WDR49: variants seen among roughly 807,000 people sequenced by gnomAD.
The protein encoded by WDR49 is WD repeat domain 49.
A neutral mutation model predicts 119.5 loss-of-function variants in WDR49; 107 were observed. The ratio of observed to expected loss-of-function variants is 0.90; its 90% CI spans 0.77 to 1.05. The LOEUF (loss-of-function observed/expected upper bound fraction) is 1.05. WDR49 is among the 50% of genes least tolerant of loss of function. WDR49 has a pLI of 0.00. For missense variants in WDR49, 1,240 were observed against 1,220.5 expected (o/e 1.02, Z -0.24); for synonymous variants, 425 against 418.8 (o/e 1.01, Z -0.18).
chr3:167,562,408 T>C (rs181344449), intron 8 of WDR49, among the ~76,000 whole-genome samples: 2 of 152,268 alleles, frequency 1.3e-5, no homozygotes, highest in Middle Eastern at 3.4e-3. Context: ...AACAAAGAAC[T>C]GATAATGAGC....
chr3:167,612,354 A>G (rs1223253175), intron 5 of WDR49, among the ~76,000 whole-genome samples: 1 of 151,550 alleles, frequency 6.6e-6, no homozygotes, highest in Non-Finnish European at 1.5e-5. Context: ...TTTATAGCTG[A>G]AAGTGCCTTC....
At chr3:167,599,677 T>A (rs563174182) in intron 7 of WDR49, among the ~76,000 whole-genome samples, 1 of 152,300 alleles carries the variant, frequency 6.6e-6, no homozygotes, top group Admixed American at 6.5e-5. Flanking sequence ...ATAGTAATAT[T>A]CCATGTCTCA....
At chr3:167,523,798 A>T (rs575038026) in intron 15 of WDR49, among the ~76,000 whole-genome samples, 2 of 152,134 alleles carry the variant, frequency 1.3e-5, no homozygotes, top group South Asian at 4.2e-4. Context: ...TCTATCATTG[A>T]TGGGTATTTG....
At chr3:167,479,219 A>G (rs1055098448) in intron 18 of WDR49, among the ~76,000 whole-genome samples, 2 of 152,130 alleles carry the variant, frequency 1.3e-5, no homozygotes, top group African/African-American at 4.8e-5. Flanking sequence ...TTTAATGCAT[A>G]TATCTTAATA....
At chr3:167,494,542 C>T (rs1025215979) in intron 18 of WDR49, among the ~76,000 whole-genome samples, 3 of 151,960 alleles carry the variant, frequency 2.0e-5, no homozygotes, top group Non-Finnish European at 2.9e-5. Flanking sequence ...GCAGTGATGA[C>T]CAAAATAACT....
intron 18 of WDR49, among the ~76,000 whole-genome samples, chr3:167,497,306 GA>G (rs1293243971): frequency 6.6e-6 from 1 of 151,876 alleles, no homozygotes; most frequent in Non-Finnish European, 1.5e-5. Context: ...CAAGTAAGAG[GA>G]AATATTTTCA....
intron 10 of WDR49, among the ~76,000 whole-genome samples, chr3:167,552,222 T>C (rs1712619176): frequency 6.6e-6 from 1 of 151,994 alleles, no homozygotes; most frequent in Non-Finnish European, 1.5e-5. Flanking sequence ...AGCAAGCACA[T>C]AACATAGACA....
chr3:167,497,867 T>A (rs967345623), intron 18 of WDR49, among the ~76,000 whole-genome samples: 1 of 147,440 alleles, frequency 6.8e-6, no homozygotes, highest in Non-Finnish European at 1.5e-5. Flanking sequence ...GTACTTCCCA[T>A]ATTCATTCTT....
chr3:167,540,621 T>TG (rs1235345451), intron 10 of WDR49, among the ~76,000 whole-genome samples: 2 of 152,136 alleles, frequency 1.3e-5, no homozygotes, highest in Admixed American at 1.3e-4. Flanking sequence ...AAAGTAATTC[T>TG]GGTAATATGA....
chr3:167,546,223 C>G (rs1712188241), intron 10 of WDR49, among the ~76,000 whole-genome samples: 1 of 151,806 alleles, frequency 6.6e-6, no homozygotes, highest in Admixed American at 6.6e-5. Flanking sequence ...ACACCAAAAG[C>G]ACAAAATCTT....
At chr3:167,500,060 A>G in intron 18 of WDR49, 93 bp downstream of exon 18, 4 of 1,357,062 alleles carry the variant, frequency 2.9e-6, no homozygotes, top group Non-Finnish European at 3.9e-6. Context: ...TACAAGACAA[A>G]CACTTGTTAT....
chr3:167,514,666 CA>C (rs1168623909), intron 16 of WDR49, among the ~76,000 whole-genome samples: 39 of 137,396 alleles, frequency 2.8e-4, no homozygotes, highest in Middle Eastern at 3.9e-3. Flanking sequence ...CACACACACA[CA>C]CACCCTTCAA....
intron 7 of WDR49, among the ~76,000 whole-genome samples, chr3:167,590,028 C>A (rs938226592): frequency 1.3e-5 from 2 of 152,044 alleles, no homozygotes; most frequent in Admixed American, 1.3e-4. Flanking sequence ...ACGATATTAG[C>A]TGTTGGTCTT....
At position 167,478,792 on chromosome 3, in the gene WDR49, A is replaced by C. The variant is rs1750573916; in HGVS notation, c.*86T>G. 2.2e-6 allele frequency: 2 copies of C among 928,878 alleles called. No homozygotes were observed. The highest frequency in any genetic ancestry group is 3.2e-6 in the Non-Finnish European group (2 of 629,714). The allele number at this position is 928,878 out of a possible 1,614,324, so 57.5% of individuals were successfully genotyped here. A position where few individuals can be genotyped will look rare whatever the true frequency, so the allele number is the denominator to read the frequency against. ...GAAAACTTCCTGAAGTTTAAATATAAAATAAAATAAAAGGCAGAATTCTTG... is the reference window on the plus strand; with the variant it reads ...GAAAACTTCCTGAAGTTTAAATATACAATAAAATAAAAGGCAGAATTCTTG... On this transcript the variant is annotated 3_prime_UTR_variant, in exon 19 of 19. Coordinates refer to ENST00000682715, the MANE Select transcript of WDR49 (RefSeq NM_001366157.1).
At chr3:167,649,844 A>T (rs1241651404) in intron 2 of WDR49, among the ~76,000 whole-genome samples, 1 of 152,176 alleles carries the variant, frequency 6.6e-6, no homozygotes, top group Non-Finnish European at 1.5e-5. Flanking sequence ...GATAGCATGG[A>T]GCTGACAGGG....
chr3:167,641,045 C>G (rs748169539), intron 2 of WDR49, among the ~76,000 whole-genome samples: 1 of 151,912 alleles, frequency 6.6e-6, no homozygotes, highest in African/African-American at 2.4e-5. Context: ...GGAGCTGAGT[C>G]TCAGGCATGT....
chr3:167,547,009 C>G (rs570720951), intron 10 of WDR49, among the ~76,000 whole-genome samples: 2 of 151,792 alleles, frequency 1.3e-5, no homozygotes, highest in East Asian at 3.9e-4. Context: ...ATTTTGAATA[C>G]TAGAATAAAT....
At chr3:167,595,496 A>G (rs1386222765) in intron 7 of WDR49, among the ~76,000 whole-genome samples, 2 of 152,278 alleles carry the variant, frequency 1.3e-5, no homozygotes, top group East Asian at 1.9e-4. Flanking sequence ...AACCAAAACA[A>G]CATGGTACTG....
At chr3:167,618,177 A>G (rs1295370989) in intron 5 of WDR49, among the ~76,000 whole-genome samples, 1 of 152,086 alleles carries the variant, frequency 6.6e-6, no homozygotes, top group Non-Finnish European at 1.5e-5. Context: ...TGATCCTTAA[A>G]GCTTTTTCTT....
Sources: allele counts gnomAD v4.1 joint callset (sites outside exome capture counted in the v4.1 genomes callset), GRCh38; gene constraint gnomAD v4.1.1; transcripts MANE v1.5; gene names NCBI Gene and HGNC (gene_info 2026-07-23, HGNC 2026-07-21).